The following IFI16 variants were observed in gnomAD, a reference collection of about 807,000 sequenced individuals.
The protein encoded by IFI16 is gamma-interferon-inducible protein 16.
A neutral mutation model predicts 68.4 loss-of-function variants in IFI16; 49 were observed. The ratio of observed to expected loss-of-function variants is 0.72; its 90% CI spans 0.57 to 0.91. The LOEUF is 0.91. IFI16 is among the 40% of genes least tolerant of loss of function. The pLI is 0.00. For synonymous variants in IFI16, 307 were observed against 315.0 expected, an observed-to-expected ratio of 0.97 and a Z score of 0.27; for missense variants, 878 against 942.9, an observed-to-expected ratio of 0.93 and a Z score of 0.90.
rs1004009286 is a variant in IFI16 at position 159,047,571 on chromosome 1, A to G, written c.1498-1861A>G. On this transcript the variant is annotated intron_variant, in intron 8 of 11. Coordinates refer to ENST00000295809, the MANE Select transcript of IFI16 (RefSeq NM_001376587.1). The stretch of plus-strand genomic sequence containing the variant: ...CACAATCATTTCTACTTGCATAGGA[A>G]TCATTCTGCTGCTCTGAAAGCTCAG... Among the ~76,000 whole-genome samples, 3 of 150,940 alleles carry G rather than the reference A, an allele frequency of 2.0e-5. 1 individual carries two copies. Among genetic ancestry groups the G allele is most frequent in the African/African-American group, 7.3e-5 (3 of 41,210 alleles).
chr1:159,025,668 T>C (rs1653622104), intron 6 of IFI16, among the ~76,000 whole-genome samples: 1 of 152,270 alleles, frequency 6.6e-6, no homozygotes, highest in Admixed American at 6.5e-5. Flanking sequence ...AGAAGCTTTT[T>C]AGCTTAATTA....
upstream of IFI16, among the ~76,000 whole-genome samples, chr1:159,000,975 G>A (rs1374849687): frequency 6.6e-6 from 1 of 152,188 alleles, no homozygotes; most frequent in African/African-American, 2.4e-5. Context: ...ATATGTTGAG[G>A]TAGGGGAAGG....
intron 8 of IFI16, among the ~76,000 whole-genome samples, chr1:159,048,454 G>C (rs1231087994): frequency 6.6e-6 from 1 of 151,500 alleles, no homozygotes; most frequent in Non-Finnish European, 1.5e-5. Context: ...CATTTAAAAT[G>C]TGAACCTTTA....
intron 6 of IFI16, among the ~76,000 whole-genome samples, chr1:159,024,892 A>T (rs1024239833): frequency 1.4e-4 from 21 of 152,154 alleles, no homozygotes; most frequent in African/African-American, 5.1e-4. Flanking sequence ...AACGAAGAAG[A>T]TGTTTTCTTG....
At chr1:159,004,439 TCA>T (rs1167718028), upstream of IFI16, among the ~76,000 whole-genome samples, 4 of 152,148 alleles carry the variant, frequency 2.6e-5, no homozygotes, top group African/African-American at 9.7e-5. Flanking sequence ...GCATCGTGAC[TCA>T]CGCCTCTAAT....
chr1:159,010,346 G>C (rs948752928), intron 1 of IFI16, among the ~76,000 whole-genome samples, 185 bp downstream of exon 1: 27 of 152,254 alleles, frequency 1.8e-4, no homozygotes, highest in East Asian at 7.7e-4. Flanking sequence ...AAGATAACAG[G>C]CATCTTCTAT....
rs1422254306 is a variant in IFI16 at position 159,014,727 on chromosome 1, T to C, written c.47T>C (p.Val16Ala). ...KNIVLLKGLE[V>A]INDYHFRMVK... Reference sequence around the variant, plus strand: ...ATTGTTCTACTAAAAGGATTAGAGGTCATCAATGATTATCATTTTAGAATG... The same window carrying C: ...ATTGTTCTACTAAAAGGATTAGAGGCCATCAATGATTATCATTTTAGAATG... The change falls in exon 2 of 12, where the codon GTC (valine) becomes GCC (alanine). Residue 16 changes from valine (V) to alanine (A), a missense_variant. By Grantham distance (64) the Val-to-Ala change is moderately conservative. Coordinates refer to ENST00000295809, the MANE Select transcript of IFI16 (RefSeq NM_001376587.1). 2 of 1,608,012 alleles carry C rather than the reference T, an allele frequency of 1.2e-6. No homozygotes were observed. The highest frequency in any genetic ancestry group is 1.7e-6 in the Non-Finnish European group (2 of 1,175,040).
chr1:159,030,644 T>A lies in IFI16; in HGVS notation c.1162-1880T>A, dbSNP rs150250407. 6.1e-4 allele frequency among the ~76,000 whole-genome samples: 93 copies of A among 152,302 alleles called. No individual in the cohort carries two copies. In the East Asian group the frequency reaches 0.015, roughly 25 times the overall value. On this transcript the variant is annotated intron_variant, in intron 6 of 11. Coordinates refer to ENST00000295809, the MANE Select transcript of IFI16 (RefSeq NM_001376587.1). ...AAGAGTCCTGTGATGTGGTTCGTCTTCAGGTCTCATCCATGGATATCAGTA... is the reference window on the plus strand; with the variant it reads ...AAGAGTCCTGTGATGTGGTTCGTCTACAGGTCTCATCCATGGATATCAGTA...
chr1:159,026,235 G>C (rs892896529), intron 6 of IFI16, among the ~76,000 whole-genome samples: 1 of 151,162 alleles, frequency 6.6e-6, no homozygotes, highest in African/African-American at 2.4e-5. Context: ...TTGGTATTTG[G>C]ATGGGAATTG....
intron 7 of IFI16, 80 bp from the exon 8 acceptor site, chr1:159,045,217 G>GA: frequency 1.4e-6 from 1 of 722,456 alleles, no homozygotes; most frequent in Non-Finnish European, 2.3e-6. Flanking sequence ...ATTTAAAAAA[G>GA]AAAAAAGGAA....
upstream of IFI16, among the ~76,000 whole-genome samples, chr1:159,006,749 G>T (rs1652275179): frequency 6.6e-6 from 1 of 152,146 alleles, no homozygotes; most frequent in South Asian, 2.1e-4. Context: ...AATATAGGGT[G>T]GTTCTTAGTC....
intron 6 of IFI16, 128 bp downstream of exon 6, chr1:159,020,657 C>G: frequency 3.6e-6 from 2 of 555,954 alleles, no homozygotes; most frequent in South Asian, 6.2e-5. Flanking sequence ...AGATATTCTC[C>G]TTGTATTCAC....
At chr1:159,017,544 T>A (rs1653008492) in intron 4 of IFI16, among the ~76,000 whole-genome samples, 1 of 152,130 alleles carries the variant, frequency 6.6e-6, no homozygotes, top group East Asian at 1.9e-4. Context: ...CTCTGGCACT[T>A]TAAGCTGGTA....
intron 1 of IFI16, among the ~76,000 whole-genome samples, chr1:159,000,645 A>C (rs949512715): frequency 6.6e-6 from 1 of 152,224 alleles, no homozygotes; most frequent in Non-Finnish European, 1.5e-5. Context: ...TGTGCAATTT[A>C]AATTTTTTGA....
At chr1:159,016,814 T>A in intron 4 of IFI16, 114 bp downstream of exon 4, 1 of 913,940 alleles carries the variant, frequency 1.1e-6, no homozygotes, top group Non-Finnish European at 1.7e-6. Context: ...CCAATGTACA[T>A]ATTGAGAAAC....
upstream of IFI16, among the ~76,000 whole-genome samples, chr1:159,003,729 C>T (rs545458395): frequency 1.3e-5 from 2 of 152,254 alleles, no homozygotes; most frequent in South Asian, 2.1e-4. Context: ...GGCATGAGCT[C>T]GGCTCGCTGC....
upstream of IFI16, among the ~76,000 whole-genome samples, chr1:159,001,146 C>T (rs971666840): frequency 1.3e-5 from 2 of 152,172 alleles, no homozygotes; most frequent in African/African-American, 4.8e-5. Context: ...GTGTGTAGAA[C>T]TACATATTGT....
chr1:159,040,949 A>G (rs1461357016), intron 7 of IFI16, among the ~76,000 whole-genome samples: 3 of 152,210 alleles, frequency 2.0e-5, no homozygotes, highest in African/African-American at 7.2e-5. Flanking sequence ...GTGTACACTA[A>G]CATTTCAGAA....
chr1:159,026,328 G>A (rs1484145406), intron 6 of IFI16, among the ~76,000 whole-genome samples: 1 of 143,310 alleles, frequency 7.0e-6, no homozygotes, highest in Non-Finnish European at 1.5e-5. Context: ...ACGAAGTCTC[G>A]CTCTTGTCCC....
Sources: allele counts gnomAD v4.1 joint callset (sites outside exome capture counted in the v4.1 genomes callset), GRCh38; gene constraint gnomAD v4.1.1; transcripts MANE v1.5; gene names NCBI Gene and HGNC (gene_info 2026-07-23, HGNC 2026-07-21).